CYB561: variants seen among roughly 807,000 people sequenced by gnomAD.
CYB561 encodes transmembrane ascorbate-dependent reductase CYB561.
CYB561 carries 11 observed loss-of-function variants against 25.3 expected under a neutral mutation model. The ratio of observed to expected loss-of-function variants is 0.44; its 90% CI spans 0.27 to 0.72. The LOEUF is 0.72. Ranked by LOEUF, CYB561 falls within the 30% of genes least tolerant of loss-of-function variation. The pLI is 0.18. For synonymous variants in CYB561, 165 were observed against 158.8 expected (o/e 1.04, Z -0.29); for missense variants, 295 against 334.9 (o/e 0.88, Z 0.93).
chr17:63,434,461 G>A lies in CYB561; in HGVS notation c.697C>T (p.Gln233Ter), dbSNP rs767516981. ...DWKRPSQAEEQALSMDFKTLT... is the reference protein window; with the variant it reads ...DWKRPSQAEE ...GTCTTGAAGTCCATGGAGAGGGCCT[G>A]CTCTTCCGCCTGGGAAGGCCGCTTC... The change falls in exon 6 of 6, where the codon CAG (glutamine) becomes TAG (stop). Residue 233 changes from glutamine to a stop codon, truncating the protein, a stop_gained. Transcript: ENST00000360793. LOFTEE classifies it high-confidence loss of function. 6.2e-7 allele frequency: 1 copy of A among 1,605,464 alleles called. No individual in the cohort carries two copies. Among genetic ancestry groups the A allele is most frequent in the East Asian group, 2.3e-5 (1 of 44,414 alleles).
At position 63,437,442 on chromosome 17, in the gene CYB561, C is replaced by A. The variant is rs1330158059; in HGVS notation, c.106G>T (p.Gly36Trp). 6.2e-7 allele frequency: 1 copy of A among 1,613,866 alleles called. No individual in the cohort carries two copies. The highest frequency in any genetic ancestry group is 1.3e-5 in the African/African-American group (1 of 74,944). ...TLVAMTGAWL[G>W]LYRGGIAWES... ...CAGGCAATGCCGCCTCGGTACAGCC[C>A]GAGCCACGCGCCGGTCATGGCCACC... Residue 36 changes from glycine (G) to tryptophan (W), a missense_variant, in exon 2 of 6, where the codon GGG becomes TGG. Coordinates refer to ENST00000360793, the MANE Select transcript of CYB561 (RefSeq NM_001915.4).
At chr17:63,441,341 A>G (rs2049373579) in intron 1 of CYB561, among the ~76,000 whole-genome samples, 1 of 152,212 alleles carries the variant, frequency 6.6e-6, no homozygotes. Context: ...CACTGTGTGG[A>G]TAACAGGAGC....
intron 1 of CYB561, chr17:63,438,455 GC>G: frequency 2.7e-6 from 1 of 373,920 alleles, no homozygotes; most frequent in South Asian, 2.4e-5. Flanking sequence ...CTCCCCCCAC[GC>G]CCCCGCCCGC....
At position 63,437,559 on chromosome 17, in the gene CYB561, C is replaced by A. The variant is rs750781205; in HGVS notation, c.-12G>T. 1.2e-6 allele frequency: 2 copies of A among 1,604,644 alleles called. No homozygotes were observed. The highest frequency in any genetic ancestry group is 1.7e-6 in the Non-Finnish European group (2 of 1,179,302). On this transcript the variant is annotated splice_region_variant and 5_prime_UTR_variant, in exon 2 of 6. Coordinates refer to ENST00000360793, the MANE Select transcript of CYB561 (RefSeq NM_001915.4). Reference sequence around the variant, plus strand: ...GCCCCGCCCTCCATGCTGAGGCAAACGCTGCAAGAAAGAGCAGAGCTCAGA... The same window carrying A: ...GCCCCGCCCTCCATGCTGAGGCAAAAGCTGCAAGAAAGAGCAGAGCTCAGA...
intron 4 of CYB561, 161 bp from the exon 5 acceptor site, chr17:63,435,404 G>A (rs894176769): frequency 1.3e-5 from 10 of 766,398 alleles, no homozygotes; most frequent in South Asian, 5.4e-5. Context: ...AGCACTAAGC[G>A]CTTAGGGACA....
chr17:63,434,299 C>T lies in CYB561; in HGVS notation c.*103G>A, dbSNP rs1399145731. ...ACAGATGCAGCTGCACCCACGCGCC[C>T]GCCTGCTGCCAGAGCCACTCTCCGG... is the stretch of plus-strand genomic sequence containing the variant. On this transcript the variant is annotated 3_prime_UTR_variant, in exon 6 of 6. Transcript: ENST00000360793. 1.7e-5 allele frequency: 19 copies of T among 1,104,094 alleles called. No individual in the cohort carries two copies. The East Asian group carries it at 3.6e-4, about 21-fold the overall frequency. 68.4% of individuals were successfully genotyped at this position (1,104,094 alleles called of 1,614,324 possible).
intron 1 of CYB561, chr17:63,438,166 G>A: frequency 2.6e-6 from 4 of 1,535,676 alleles, no homozygotes; most frequent in Non-Finnish European, 2.6e-6. Flanking sequence ...AGGGTGCAAG[G>A]AAAGATACCC....
rs1206858115 is a variant in CYB561 at position 63,434,569 on chromosome 17, C to CG, written c.588dup (p.Glu197ArgfsTer51). Reference sequence around the variant, plus strand: ...CCCAGCACGTTGGCCAGGACACCCTCGGGCTCAAATGCGCTATACTTGCCC... The same window carrying CG: ...CCCAGCACGTTGGCCAGGACACCCTCGGGGCTCAAATGCGCTATACTTGCCC... On this transcript the variant is annotated frameshift_variant, in exon 6 of 6. Coordinates refer to ENST00000360793, the MANE Select transcript of CYB561 (RefSeq NM_001915.4). LOFTEE classifies it high-confidence loss of function. The CG allele has an allele frequency of 1.2e-6, 2 of 1,611,788 alleles. No individual in the cohort carries two copies. Among genetic ancestry groups the CG allele is most frequent in the East Asian group, 4.5e-5 (2 of 44,860 alleles).
intron 1 of CYB561, among the ~76,000 whole-genome samples, chr17:63,441,834 C>T (rs569242277): frequency 7.2e-5 from 11 of 152,368 alleles, no homozygotes; most frequent in South Asian, 4.1e-4. Context: ...GGTGCCCCCC[C>T]TCCTGTGCCA....
At chr17:63,442,869 A>G (rs980524156) in intron 1 of CYB561, 1 of 152,276 alleles carries the variant, frequency 6.6e-6, no homozygotes, top group African/African-American at 2.4e-5. Context: ...CCCGGTGCCC[A>G]CTGCGTTTTA....
At chr17:63,441,241 GGT>G (rs529311112) in intron 1 of CYB561, among the ~76,000 whole-genome samples, 251 of 152,368 alleles carry the variant, frequency 1.6e-3, no homozygotes, top group African/African-American at 5.8e-3. Context: ...ACGTGTGCTT[GGT>G]GTGTCAGTAG....
At position 63,437,526 on chromosome 17, in the gene CYB561, C is replaced by G. The variant is rs2049317455; in HGVS notation, c.22G>C (p.Ala8Pro). The G allele has an allele frequency of 9.3e-6, 15 of 1,611,730 alleles. No individual in the cohort carries two copies. Among genetic ancestry groups the G allele is most frequent in the Non-Finnish European group, 1.3e-5 (15 of 1,179,876 alleles). MEGGAAA[A>P]TPTALPYYVA... ...TAGTAAGGCAGTGCTGTGGGGGTGG[C>G]TGCCGCGGCCCCGCCCTCCATGCTG... Residue 8 changes from alanine (A) to proline (P), a missense_variant, in exon 2 of 6, where the codon GCC becomes CCC. Transcript: ENST00000360793.
At position 63,434,496 on chromosome 17, in the gene CYB561, C is replaced by G. The variant is rs1017898042; in HGVS notation, c.662G>C (p.Arg221Pro). 3 of 1,612,970 alleles carry G rather than the reference C, an allele frequency of 1.9e-6. No individual in the cohort carries two copies. The highest frequency in any genetic ancestry group is 1.1e-5 in the South Asian group (1 of 90,886). Residue 221 changes from arginine to proline, a missense_variant, in exon 6 of 6, where the codon CGG becomes CCG. Physicochemically the swap from Arg to Pro is moderately radical, Grantham distance 103. Transcript: ENST00000360793. ...CTGGGAAGGCCGCTTCCAGTCGGCC[C>G]GGGTCAAGATGTAGAGCACCGCCCC... ...FGGAVLYILT[R>P]ADWKRPSQAE...
intron 1 of CYB561, among the ~76,000 whole-genome samples, chr17:63,443,478 A>G (rs999558940): frequency 6.6e-6 from 1 of 152,210 alleles, no homozygotes; most frequent in Non-Finnish European, 1.5e-5. Flanking sequence ...CAGAGCCTGA[A>G]GTCAAACACT....
chr17:63,433,738 G>A lies in CYB561; in HGVS notation c.*664C>T. On this transcript the variant is annotated 3_prime_UTR_variant, in exon 6 of 6. Coordinates refer to ENST00000360793, the MANE Select transcript of CYB561 (RefSeq NM_001915.4). ...GCATCTGCCAAGAGAAAGTCTGTCT[G>A]AAGTCATGGGCTTCTATCCCCTCTC... 1 of 239,936 alleles carries A rather than the reference G, an allele frequency of 4.2e-6. No homozygotes were observed. 14.9% of individuals were successfully genotyped at this position (239,936 alleles called of 1,614,324 possible).
In CYB561 at chr17:63,437,428, G is replaced by A. The variant is rs1176921791; in HGVS notation, c.120C>T (p.Gly40=). 2 of 1,614,020 alleles carry A rather than the reference G, an allele frequency of 1.2e-6. No homozygotes were observed. The highest frequency in any genetic ancestry group is 2.2e-5 in the East Asian group (1 of 44,880). Residue 40 remains glycine (G), a synonymous_variant, in exon 2 of 6, where the codon GGC becomes GGT. Transcript: ENST00000360793. ...GCAGGTCGCTCTCCCAGGCAATGCCGCCTCGGTACAGCCCGAGCCACGCGC... is the reference window on the plus strand; with the variant it reads ...GCAGGTCGCTCTCCCAGGCAATGCCACCTCGGTACAGCCCGAGCCACGCGC... ...MTGAWLGLYR[G]GIAWESDLQF...
At chr17:63,437,018 T>C (rs1351769396) in intron 2 of CYB561, 5 of 389,398 alleles carry the variant, frequency 1.3e-5, no homozygotes, top group African/African-American at 1.0e-4. Flanking sequence ...TTACTTTTTT[T>C]CCCTCAATTC....
At chr17:63,437,974 C>CCCCCCCCCCCCCCCCA in intron 1 of CYB561, 1 of 652,536 alleles carries the variant, frequency 1.5e-6, no homozygotes, top group South Asian at 1.8e-5. Flanking sequence ...ACGGCGGCCC[C>CCCCCCCCCCCCCCCCA]GCCACCCTCC....
At chr17:63,441,251 T>C (rs1395294500) in intron 1 of CYB561, among the ~76,000 whole-genome samples, 1 of 152,206 alleles carries the variant, frequency 6.6e-6, no homozygotes, top group Non-Finnish European at 1.5e-5. Context: ...GGTGTGTCAG[T>C]AGGGTGGGGA....
Sources: gnomAD v4.1 joint callset for allele counts (sites outside exome capture counted in the v4.1 genomes callset) on GRCh38, gnomAD v4.1.1 for gene constraint, MANE v1.5 for transcripts, NCBI Gene and HGNC (gene_info 2026-07-23, HGNC 2026-07-21) for gene names.